PLXNB1: variants seen among roughly 807,000 people sequenced by gnomAD.
PLXNB1 encodes plexin B1.
Under a neutral mutation model 209.4 loss-of-function variants are expected in PLXNB1, and 106 were observed. That is an observed-to-expected ratio of 0.51 (90% confidence interval 0.43 to 0.59). PLXNB1 has a LOEUF of 0.59. Ranked by LOEUF, PLXNB1 falls within the 20% of genes least tolerant of loss-of-function variation. The pLI, the probability that PLXNB1 is intolerant of heterozygous loss-of-function variation, is 0.00. For missense variants in PLXNB1, 2,357 were observed against 2,853.2 expected (o/e 0.83, Z 3.96); for synonymous variants, 1,167 against 1,183.2 (o/e 0.99, Z 0.28).
Position 48,423,898 on chromosome 3 carries a change from C to G in PLXNB1, c.714G>C (p.Gln238His). The change falls in exon 3 of 38, where the codon CAG becomes CAC. Residue 238 changes from glutamine (Q) to histidine (H), a missense_variant. By Grantham distance (24) the Gln-to-His change is conservative (BLOSUM62 0). Around this residue, in one of 7 missense-constraint regions of PLXNB1, gnomAD observed 404 missense variants for 443.6 expected, o/e 0.91. Transcript: ENST00000296440. Reference sequence around the variant, plus strand: ...AGGCACGAAAAGCTCTAGACTGAGCCTGCAGGTCCCGCCGCAGGAACAGGA... The same window carrying G: ...AGGCACGAAAAGCTCTAGACTGAGCGTGCAGGTCCCGCCGCAGGAACAGGA... ...AYFLFLRRDL[Q>H]AQSRAFRAYV... is the part of the protein sequence containing the mutation. The G allele has an allele frequency of 6.2e-7, 1 of 1,614,000 alleles. No homozygotes were observed. Among genetic ancestry groups the G allele is most frequent in the Non-Finnish European group, 8.5e-7 (1 of 1,179,992 alleles).
rs1171742172 is a variant in PLXNB1, at chr3:48,429,011, C to T, written c.-60+997G>A. On this transcript the variant is annotated intron_variant, in intron 1 of 37. Coordinates refer to ENST00000296440, the MANE Select transcript of PLXNB1 (RefSeq NM_001130082.3). This position sits in a 1 kb window ranked among gnomAD's most constrained non-coding sequence, Gnocchi z 6.4. ...GAGGGCGGGGAAGGGGCCGGCCGGT[C>T]CCCGGCGGCGACGGCGAGGAGGGGG... Among the ~76,000 whole-genome samples the T allele has an allele frequency of 6.6e-6, 1 of 152,206 alleles. No individual in the cohort carries two copies. The highest frequency in any genetic ancestry group is 1.5e-5 in the Non-Finnish European group (1 of 68,014).
chr3:48,419,995 G>T lies in PLXNB1; in HGVS notation c.2291C>A (p.Pro764His), dbSNP rs1356981237. 4 of 1,598,256 alleles carry T rather than the reference G, an allele frequency of 2.5e-6. No individual in the cohort carries two copies. The highest frequency in any genetic ancestry group is 3.4e-6 in the Non-Finnish European group (4 of 1,170,332). Residue 764 changes from proline (P) to histidine (H), a missense_variant, in exon 11 of 38, where the codon CCC becomes CAC. Around this residue, in one of 7 missense-constraint regions of PLXNB1, gnomAD observed 410 missense variants for 401.0 expected, o/e 1.02. Coordinates refer to ENST00000296440, the MANE Select transcript of PLXNB1 (RefSeq NM_001130082.3). This position sits in a 1 kb window ranked among gnomAD's most constrained non-coding sequence, Gnocchi z 5.7. ...GACAGCGGTTCCAGGTCCATTTTGGGGGCTGGGAGGGGAGGGCTCCTCATG... is the reference window on the plus strand; with the variant it reads ...GACAGCGGTTCCAGGTCCATTTTGGTGGCTGGGAGGGGAGGGCTCCTCATG... ...PLHEEPSPPSPQNGPGTAVPA... is the reference protein window; with the variant it reads ...PLHEEPSPPSHQNGPGTAVPA...
intron 21 of PLXNB1, 141 bp from the exon 22 acceptor site, chr3:48,414,212 C>A: frequency 1.4e-6 from 1 of 720,940 alleles, no homozygotes; most frequent in Non-Finnish European, 2.4e-6. Context: ...GCAGGCCAGT[C>A]ACACGGTGTC....
At position 48,412,549 on chromosome 3, in the gene PLXNB1, G is replaced by A. The variant is rs1477728657; in HGVS notation, c.4926C>T (p.Thr1642=). The change falls in exon 26 of 38, where the codon ACC becomes ACT. Residue 1642 remains threonine (T), a synonymous_variant. Transcript: ENST00000296440. ...ACTCAAGCTTCCCATGCAGTGCCACGGTGAGCAGAGATGCCACGTAGGCAC... is the reference window on the plus strand; with the variant it reads ...ACTCAAGCTTCCCATGCAGTGCCACAGTGAGCAGAGATGCCACGTAGGCAC... ...RDRAYVASLL[T]VALHGKLEYF... 1.5e-5 allele frequency: 25 copies of A among 1,613,660 alleles called. No homozygotes were observed. Among genetic ancestry groups the A allele is most frequent in the Non-Finnish European group, 1.9e-5 (23 of 1,180,020 alleles).
intron 27 of PLXNB1, 105 bp from the exon 28 acceptor site, chr3:48,412,114 G>A (rs1223179110): frequency 2.7e-6 from 4 of 1,481,452 alleles, no homozygotes; most frequent in Non-Finnish European, 2.8e-6. Context: ...GGGGACTGAG[G>A]ACAGGCTGAG....
In PLXNB1 at chr3:48,409,898, A is replaced by C; in HGVS notation, c.5778+7T>G. ...CAGGCCCCACTACCTTGGCAGCCCC[A>C]CCCCACCTTCATGGACAGCAGGCGG... On this transcript the variant is annotated splice_region_variant and intron_variant, in intron 32 of 37. Transcript: ENST00000296440. This position sits in a 1 kb window ranked among gnomAD's most constrained non-coding sequence, Gnocchi z 5.8. 1 of 1,605,792 alleles carries C rather than the reference A, an allele frequency of 6.2e-7. No homozygotes were observed.
At chr3:48,423,234 C>T (rs1330623751) in intron 3 of PLXNB1, among the ~76,000 whole-genome samples, 1 of 152,158 alleles carries the variant, frequency 6.6e-6, no homozygotes, top group African/African-American at 2.4e-5. Flanking sequence ...CCCAAGAACC[C>T]CCAAACACCC....
Position 48,415,594 on chromosome 3 carries a change from C to G in PLXNB1, c.3783G>C (p.Lys1261Asn). ...DPNITSAGPT[K>N]SFLSGGREIC... ...CCCTGGCCCAACACCTGAGGAAGCT[C>G]TTGGTGGGGCCAGCAGAGGTGATGT... Residue 1261 changes from lysine to asparagine, a missense_variant, in exon 19 of 38, where the codon AAG (lysine) becomes AAC (asparagine). Lys to Asn is a moderately conservative substitution (Grantham distance 94, BLOSUM62 0). Transcript: ENST00000296440. The surrounding 1 kb of genome is among the most constrained non-coding windows in gnomAD (Gnocchi z 5.0). 1 of 1,581,292 alleles carries G rather than the reference C, an allele frequency of 6.3e-7. No individual in the cohort carries two copies. Among genetic ancestry groups the G allele is most frequent in the Non-Finnish European group, 8.6e-7 (1 of 1,162,736 alleles).
In PLXNB1 at chr3:48,423,551, G is replaced by C. The variant is rs2038673845; in HGVS notation, c.1061C>G (p.Ala354Gly). The change falls in exon 3 of 38, where the codon GCC (alanine) becomes GGC (glycine). Residue 354 changes from alanine to glycine, a missense_variant. By Grantham distance (60) the Ala-to-Gly change is moderately conservative (BLOSUM62 0). Around this residue, in one of 7 missense-constraint regions of PLXNB1, gnomAD observed 404 missense variants for 443.6 expected, o/e 0.91. Coordinates refer to ENST00000296440, the MANE Select transcript of PLXNB1 (RefSeq NM_001130082.3). ...EGRAEDGTEV[A>G]YIEYDVNSDC... Reference sequence around the variant, plus strand: ...AGAATTGACATCATACTCGATGTAGGCCACCTCGGTCCCATCCTCAGCACG... The same window carrying C: ...AGAATTGACATCATACTCGATGTAGCCCACCTCGGTCCCATCCTCAGCACG... 1 of 1,614,186 alleles carries C rather than the reference G, an allele frequency of 6.2e-7. No homozygotes were observed. The highest frequency in any genetic ancestry group is 8.5e-7 in the Non-Finnish European group (1 of 1,180,024).
Position 48,421,249 on chromosome 3 carries a change from G to T in PLXNB1, c.1789C>A (p.Pro597Thr). The change falls in exon 8 of 38, where the codon CCA becomes ACA. Residue 597 changes from proline to threonine, a missense_variant. This residue lies in a region of PLXNB1 where 214 missense variants were observed against 297.1 expected (regional missense o/e 0.72). Transcript: ENST00000296440. ...CCACCGGCTCCTCTCGGCAGCACTGGGGCCTCACTAGGGTCTGGGGAGGGG... is the reference window on the plus strand; with the variant it reads ...CCACCGGCTCCTCTCGGCAGCACTGTGGCCTCACTAGGGTCTGGGGAGGGG... ...MCPSPDPSEAPVLPRGADYVS... is the reference protein window; with the variant it reads ...MCPSPDPSEATVLPRGADYVS... 3 of 1,613,292 alleles carry T rather than the reference G, an allele frequency of 1.9e-6. No homozygotes were observed. Among genetic ancestry groups the T allele is most frequent in the Non-Finnish European group, 2.5e-6 (3 of 1,179,674 alleles).
In PLXNB1 at chr3:48,418,976, G is replaced by A. The variant is rs199581131; in HGVS notation, c.2896C>T (p.Arg966Trp). ...TCTGGAGGTGGCTCACACTCGACCCGGGCCTCAACCACCACCTCGAGGCCC... is the reference window on the plus strand; with the variant it reads ...TCTGGAGGTGGCTCACACTCGACCCAGGCCTCAACCACCACCTCGAGGCCC... ...LEGLEVVVEA[R>W]VECEPPPDTQ... Residue 966 changes from arginine (R) to tryptophan (W), a missense_variant, in exon 13 of 38, where the codon CGG (arginine) becomes TGG (tryptophan). Coordinates refer to ENST00000296440, the MANE Select transcript of PLXNB1 (RefSeq NM_001130082.3). This position sits in a 1 kb window ranked among gnomAD's most constrained non-coding sequence, Gnocchi z 6.6. 8.1e-6 allele frequency: 13 copies of A among 1,614,014 alleles called. No homozygotes were observed. Among genetic ancestry groups the A allele is most frequent in the East Asian group, 2.2e-5 (1 of 44,876 alleles).
In PLXNB1 at chr3:48,419,882, G is replaced by C. The variant is rs745707242; in HGVS notation, c.2404C>G (p.Pro802Ala). Reference protein sequence around the residue: ...LSPSEVAAVPPADPGPEALHP... With the variant: ...LSPSEVAAVPAADPGPEALHP... ...AGAGCCTCGGGGCCAGGGTCTGCAG[G>C]GGGCACTGCTGCTACCTCTGAGGGT... Residue 802 changes from proline to alanine, a missense_variant, in exon 11 of 38, where the codon CCT (proline) becomes GCT (alanine). By Grantham distance (27) the Pro-to-Ala change is conservative. Around this residue, in one of 7 missense-constraint regions of PLXNB1, gnomAD observed 410 missense variants for 401.0 expected, o/e 1.02. Coordinates refer to ENST00000296440, the MANE Select transcript of PLXNB1 (RefSeq NM_001130082.3). This position sits in a 1 kb window ranked among gnomAD's most constrained non-coding sequence, Gnocchi z 5.7. 1.3e-6 allele frequency: 2 copies of C among 1,565,488 alleles called. No homozygotes were observed. The highest frequency in any genetic ancestry group is 2.7e-5 in the African/African-American group (2 of 74,252).
chr3:48,418,829 G>T lies in PLXNB1; in HGVS notation c.2955+88C>A. ...GCGACACGGTCAGAGCGTGGCTCTG[G>T]AAAGTGTGGTGCAGCCAGCTACAGT... On this transcript the variant is annotated intron_variant, in intron 13 of 37. Coordinates refer to ENST00000296440, the MANE Select transcript of PLXNB1 (RefSeq NM_001130082.3). This position sits in a 1 kb window ranked among gnomAD's most constrained non-coding sequence, Gnocchi z 6.6. 1 of 1,528,898 alleles carries T rather than the reference G, an allele frequency of 6.5e-7. No individual in the cohort carries two copies. Among genetic ancestry groups the T allele is most frequent in the Non-Finnish European group, 9.0e-7 (1 of 1,112,390 alleles). 94.7% of individuals were successfully genotyped at this position (1,528,898 alleles called of 1,614,324 possible).
At position 48,411,941 on chromosome 3, in the gene PLXNB1, C is replaced by T; in HGVS notation, c.5169G>A (p.Val1723=). Residue 1723 remains valine (V), a synonymous_variant, in exon 28 of 38, where the codon GTG becomes GTA. Transcript: ENST00000296440. This position sits in a 1 kb window ranked among gnomAD's most constrained non-coding sequence, Gnocchi z 4.0. ...ATTTGGCCTTGCCTGTCACACTGTCCACTGGCCCCTTATCCACTTGGTGCT... is the reference window on the plus strand; with the variant it reads ...ATTTGGCCTTGCCTGTCACACTGTCTACTGGCCCCTTATCCACTTGGTGCT... ...GIKHQVDKGP[V]DSVTGKAKYT... The T allele has an allele frequency of 6.2e-7, 1 of 1,614,172 alleles. No individual in the cohort carries two copies. The highest frequency in any genetic ancestry group is 8.5e-7 in the Non-Finnish European group (1 of 1,180,016).
Position 48,415,556 on chromosome 3 carries a change from C to T in PLXNB1, c.3794+27G>A, listed in dbSNP as rs368754096. On this transcript the variant is annotated intron_variant, in intron 19 of 37. Transcript: ENST00000296440. The surrounding 1 kb of genome is among the most constrained non-coding windows in gnomAD (Gnocchi z 5.0). ...CTGCAAAGACCTCCCTGCCACCTGC[C>T]ATGCAGCCACACCCCTGGCCCAACA... is the stretch of plus-strand genomic sequence containing the variant. The T allele has an allele frequency of 6.5e-6, 10 of 1,543,132 alleles. No homozygotes were observed. The highest frequency in any genetic ancestry group is 1.9e-5 in the Admixed American group (1 of 51,384).
At position 48,419,460 on chromosome 3, in the gene PLXNB1, G is replaced by T; in HGVS notation, c.2710-94C>A. 6.7e-7 allele frequency: 1 copy of T among 1,502,284 alleles called. No homozygotes were observed. Among genetic ancestry groups the T allele is most frequent in the Non-Finnish European group, 9.0e-7 (1 of 1,117,278 alleles). The allele number at this position is 1,502,284 out of a possible 1,614,324, so 93.1% of individuals were successfully genotyped here. The stretch of plus-strand genomic sequence containing the variant: ...ATTCCAGAGGCAAGGCCGGTGTGGG[G>T]CTGCAGACTCCACCCTGCCCCTCAC... On this transcript the variant is annotated intron_variant, in intron 11 of 37. Transcript: ENST00000296440. This position sits in a 1 kb window ranked among gnomAD's most constrained non-coding sequence, Gnocchi z 5.7.
chr3:48,412,576 G>T lies in PLXNB1; in HGVS notation c.4899C>A (p.Asp1633Glu). The change falls in exon 26 of 38, where the codon GAC (aspartate) becomes GAA (glutamate). Residue 1633 changes from aspartate (D) to glutamate (E), a missense_variant. Coordinates refer to ENST00000296440, the MANE Select transcript of PLXNB1 (RefSeq NM_001130082.3). The stretch of plus-strand genomic sequence containing the variant: ...TGAGCAGAGATGCCACGTAGGCACG[G>T]TCCCGAGCTGAAAAGGTGCGCTGGC... ...LESQRTFSAR[D>E]RAYVASLLTV... The T allele has an allele frequency of 6.2e-7, 1 of 1,613,602 alleles. No individual in the cohort carries two copies. Among genetic ancestry groups the T allele is most frequent in the Non-Finnish European group, 8.5e-7 (1 of 1,180,044 alleles).
rs1282167448 is a variant in PLXNB1, at chr3:48,419,381, G to T, written c.2710-15C>A. ...GTCGCCTCTTCCTGCAGGCACCAAGGGCAAGGCAGTCTATGGAGCCCACCC... is the reference window on the plus strand; with the variant it reads ...GTCGCCTCTTCCTGCAGGCACCAAGTGCAAGGCAGTCTATGGAGCCCACCC... On this transcript the variant is annotated splice_polypyrimidine_tract_variant and intron_variant, in intron 11 of 37. Transcript: ENST00000296440. The surrounding 1 kb of genome is among the most constrained non-coding windows in gnomAD (Gnocchi z 5.7). 6.5e-7 allele frequency: 1 copy of T among 1,546,648 alleles called. No individual in the cohort carries two copies. The highest frequency in any genetic ancestry group is 2.3e-5 in the East Asian group (1 of 44,064).
At position 48,406,288 on chromosome 3, in the gene PLXNB1, C is replaced by T. The variant is rs1044524156; in HGVS notation, c.6229-490G>A. Among the ~76,000 whole-genome samples the T allele has an allele frequency of 1.3e-5, 2 of 152,242 alleles. No homozygotes were observed. The highest frequency in any genetic ancestry group is 2.4e-5 in the African/African-American group (1 of 41,458). On this transcript the variant is annotated intron_variant, in intron 36 of 37. Transcript: ENST00000296440. This position sits in a 1 kb window ranked among gnomAD's most constrained non-coding sequence, Gnocchi z 4.4. Reference sequence around the variant, plus strand: ...CTCACCTGGACGATGGAATTGGTGTCACCTAGCTTGTGGAGTTCTTGTGAG... The same window carrying T: ...CTCACCTGGACGATGGAATTGGTGTTACCTAGCTTGTGGAGTTCTTGTGAG...
Sources: gnomAD v4.1 joint callset for allele counts (sites outside exome capture counted in the v4.1 genomes callset) on GRCh38, gnomAD v4.1.1 for gene constraint, gnomAD v4.1.1 regional missense constraint, Gnocchi (gnomAD v3.1) non-coding constraint, MANE v1.5 for transcripts, NCBI Gene and HGNC (gene_info 2026-07-23, HGNC 2026-07-21) for gene names.